The following TEAD1 variants were observed in gnomAD, a reference collection of about 807,000 sequenced individuals.
TEAD1 encodes the protein TEA domain transcription factor 1, also known as transcriptional enhancer factor TEF-1.
In TEAD1, 9 loss-of-function variants were observed where a neutral mutation model predicts 54.9. That is an observed-to-expected ratio of 0.16 (90% confidence interval 0.10 to 0.29). TEAD1 has a LOEUF of 0.29. Among genes scored for constraint, TEAD1 ranks in the 10% least tolerant of loss-of-function variants. The probability of loss-of-function intolerance (pLI) is 1.00; values close to 1 mark genes in which losing one functional copy is unlikely to be tolerated. For synonymous variants in TEAD1, 200 were observed against 187.8 expected, an observed-to-expected ratio of 1.07 and a Z score of -0.53; for missense variants, 387 against 535.9, an observed-to-expected ratio of 0.72 and a Z score of 2.74.
rs190233136 is a variant in TEAD1, at chr11:12,885,883, G to A, written c.699+2758G>A. On this transcript the variant is annotated intron_variant, in intron 9 of 12. Coordinates refer to ENST00000527636, the MANE Select transcript of TEAD1 (RefSeq NM_021961.6). ...TCGTGTGCACCTGCATGTGCAAGAA[G>A]CTGTACAGGAGAGGGGCTCATCGCT... is the stretch of plus-strand genomic sequence containing the variant. 3.3e-5 allele frequency among the ~76,000 whole-genome samples: 5 copies of A among 152,324 alleles called. No individual in the cohort carries two copies. The East Asian group carries it at 7.7e-4, about 24-fold the overall frequency.
chr11:12,817,158 C>T (rs1044413373), intron 3 of TEAD1, among the ~76,000 whole-genome samples: 40 of 152,112 alleles, frequency 2.6e-4, no homozygotes, highest in African/African-American at 8.7e-4. Context: ...GATTCTGCCA[C>T]GCTGATATTA....
chr11:12,689,712 A>G (rs1366600511), intron 2 of TEAD1, among the ~76,000 whole-genome samples: 1 of 152,000 alleles, frequency 6.6e-6, no homozygotes, highest in Non-Finnish European at 1.5e-5. Flanking sequence ...GCTTTGGGAA[A>G]GTTTAGTACA....
Position 12,837,647 on chromosome 11 carries a change from C to T in TEAD1, c.203-24603C>T, listed in dbSNP as rs113300296. Among the ~76,000 whole-genome samples, 1,023 of 150,202 alleles carry T rather than the reference C, an allele frequency of 6.8e-3. 4 individuals are homozygous for T. The highest frequency in any genetic ancestry group is 8.7e-3 in the Non-Finnish European group (592 of 67,688). On this transcript the variant is annotated intron_variant, in intron 3 of 12. Transcript: ENST00000527636. Reference sequence around the variant, plus strand: ...TCCTTTGTGTTCACGCATCTCTGGTCTCTCTTTCTCTCCTTCTTCTTCCTT... The same window carrying T: ...TCCTTTGTGTTCACGCATCTCTGGTTTCTCTTTCTCTCCTTCTTCTTCCTT...
chr11:12,782,421 A>AG (rs1401427294), intron 3 of TEAD1, among the ~76,000 whole-genome samples: 1 of 152,232 alleles, frequency 6.6e-6, no homozygotes, highest in Non-Finnish European at 1.5e-5. Context: ...TGCCCGGAAT[A>AG]GGTCAGTCTA....
At chr11:12,712,508 A>G (rs1943961711) in intron 2 of TEAD1, among the ~76,000 whole-genome samples, 1 of 152,208 alleles carries the variant, frequency 6.6e-6, no homozygotes, top group African/African-American at 2.4e-5. Flanking sequence ...CTCAGTTGGT[A>G]AAATGGAAAT....
chr11:12,714,271 AAGG>A lies in TEAD1; in HGVS notation c.-55+38713_-55+38715del, dbSNP rs1177813940. On this transcript the variant is annotated intron_variant, in intron 2 of 12. Coordinates refer to ENST00000527636, the MANE Select transcript of TEAD1 (RefSeq NM_021961.6). ...GTGGCCCCAGGGAGTCTCCTGGCAC[AAGG>A]AGAAGTGGAAAGGTCTTAGAGTGGG... 2.6e-5 allele frequency among the ~76,000 whole-genome samples: 4 copies of A among 152,128 alleles called. No homozygotes were observed. In the East Asian group the frequency reaches 7.7e-4, roughly 29 times the overall value.
At chr11:12,739,238 A>G (rs112079287) in intron 2 of TEAD1, among the ~76,000 whole-genome samples, 64 of 151,674 alleles carry the variant, frequency 4.2e-4, no homozygotes, top group African/African-American at 1.3e-3. Flanking sequence ...CTATCTATCT[A>G]TCTATCAGTC....
chr11:12,779,702 C>G (rs1158308031), intron 3 of TEAD1, among the ~76,000 whole-genome samples: 1 of 152,152 alleles, frequency 6.6e-6, no homozygotes, highest in Admixed American at 6.5e-5. Context: ...TGAACCCATT[C>G]AGCAACATAT....
chr11:12,737,138 C>T (rs1409165617), intron 2 of TEAD1, among the ~76,000 whole-genome samples: 2 of 152,060 alleles, frequency 1.3e-5, no homozygotes, highest in African/African-American at 4.8e-5. Context: ...CTCTTGTTTT[C>T]AGATGAGGAG....
At chr11:12,725,954 T>C (rs1944302446) in intron 2 of TEAD1, among the ~76,000 whole-genome samples, 1 of 152,220 alleles carries the variant, frequency 6.6e-6, no homozygotes, top group Non-Finnish European at 1.5e-5. Context: ...TGAGAGATTT[T>C]GTGTTGGGAA....
intron 9 of TEAD1, among the ~76,000 whole-genome samples, chr11:12,890,172 C>T (rs147235874): frequency 1.3e-5 from 2 of 152,310 alleles, no homozygotes; most frequent in Admixed American, 6.5e-5. Context: ...CCTCCAAAAA[C>T]GGTGACTGTG....
chr11:12,775,152 C>G (rs1424032463), intron 3 of TEAD1, among the ~76,000 whole-genome samples: 1 of 152,146 alleles, frequency 6.6e-6, no homozygotes, highest in Non-Finnish European at 1.5e-5. Context: ...ATCCCTAGTT[C>G]AGTTAGAGGG....
At chr11:12,691,861 A>T (rs1450674472) in intron 2 of TEAD1, among the ~76,000 whole-genome samples, 2 of 152,130 alleles carry the variant, frequency 1.3e-5, no homozygotes, top group Non-Finnish European at 2.9e-5. Context: ...GTTTGTACTC[A>T]TCTGTTTCAA....
At chr11:12,748,409 G>A (rs981228244) in intron 2 of TEAD1, among the ~76,000 whole-genome samples, 2 of 152,350 alleles carry the variant, frequency 1.3e-5, no homozygotes, top group African/African-American at 2.4e-5. Context: ...CTTGGAGTGC[G>A]TGTGCAGCTA....
At chr11:12,730,043 C>T (rs944411282) in intron 2 of TEAD1, among the ~76,000 whole-genome samples, 3 of 148,352 alleles carry the variant, frequency 2.0e-5, no homozygotes, top group East Asian at 3.9e-4. Context: ...ACCACAACTT[C>T]CCTCCTGTTT....
At chr11:12,695,107 G>T (rs1056764830) in intron 2 of TEAD1, among the ~76,000 whole-genome samples, 3 of 152,248 alleles carry the variant, frequency 2.0e-5, no homozygotes, top group African/African-American at 7.2e-5. Flanking sequence ...CCAGGCTGGC[G>T]AGGGCCACTT....
chr11:12,801,814 G>A (rs915408137), intron 3 of TEAD1, among the ~76,000 whole-genome samples: 1 of 152,244 alleles, frequency 6.6e-6, no homozygotes, highest in Non-Finnish European at 1.5e-5. Flanking sequence ...CTCAGATGAT[G>A]AAGGTGGGTT....
chr11:12,886,862 C>G (rs576146660), intron 9 of TEAD1, among the ~76,000 whole-genome samples: 3 of 151,972 alleles, frequency 2.0e-5, no homozygotes, highest in Non-Finnish European at 4.4e-5. Flanking sequence ...AATAATAATA[C>G]CCCCTAATAG....
Position 12,937,224 on chromosome 11 carries a change from C to T in TEAD1, c.*2C>T, listed in dbSNP as rs111937177. On this transcript the variant is annotated 3_prime_UTR_variant, in exon 13 of 13. Transcript: ENST00000527636. Reference sequence around the variant, plus strand: ...ATTTACAGGCTTGTAAAGGACTGAACATGGTTATTTATATATATAGATATC... The same window carrying T: ...ATTTACAGGCTTGTAAAGGACTGAATATGGTTATTTATATATATAGATATC... The T allele has an allele frequency of 3.8e-6, 6 of 1,597,890 alleles. No homozygotes were observed. The South Asian group carries it at 4.4e-5, about 12-fold the overall frequency.
Sources: allele counts gnomAD v4.1 joint callset (sites outside exome capture counted in the v4.1 genomes callset), GRCh38; gene constraint gnomAD v4.1.1; transcripts MANE v1.5; gene names NCBI Gene and HGNC (gene_info 2026-07-23, HGNC 2026-07-21).